The following RSBN1 variants were observed in gnomAD, a reference collection of about 807,000 sequenced individuals.
RSBN1 encodes round spermatid basic protein 1.
RSBN1 carries 23 observed loss-of-function variants against 74.8 expected under a neutral mutation model. The ratio of observed to expected loss-of-function variants is 0.31; its 90% CI spans 0.22 to 0.44. The LOEUF (loss-of-function observed/expected upper bound fraction) is 0.44, where lower values mean the gene tolerates loss of function less well. Ranked by LOEUF, RSBN1 falls within the 20% of genes least tolerant of loss-of-function variation. The pLI, the probability that RSBN1 is intolerant of heterozygous loss-of-function variation, is 1.00. For missense variants in RSBN1, 808 were observed against 1,020.9 expected (o/e 0.79, Z 2.84); for synonymous variants, 407 against 379.6 (o/e 1.07, Z -0.84).
chr1:113,780,121 A>C (rs1360439404), intron 2 of RSBN1, among the ~76,000 whole-genome samples: 1 of 152,208 alleles, frequency 6.6e-6, no homozygotes, highest in East Asian at 1.9e-4. Context: ...CTATACAGGC[A>C]TTTTATGGGA....
At position 113,811,972 on chromosome 1, in the gene RSBN1, C is replaced by A. The variant is rs761320863; in HGVS notation, c.441G>T (p.Pro147=). Reference sequence around the variant, plus strand: ...GCCCGGCGGGTGCCAGCGAAGGTGGCGGCGGAGGCGGCAGGAGAAGAGGCT... The same window carrying A: ...GCCCGGCGGGTGCCAGCGAAGGTGGAGGCGGAGGCGGCAGGAGAAGAGGCT... The part of the protein sequence containing the change: ...PVEPLLLPPP[P]PPSLAPAGPA... Residue 147 remains proline (P), a synonymous_variant, in exon 1 of 7, where the codon CCG becomes CCT. Coordinates refer to ENST00000261441, the MANE Select transcript of RSBN1 (RefSeq NM_018364.5). The A allele has an allele frequency of 6.4e-7, 1 of 1,568,902 alleles. No homozygotes were observed. The highest frequency in any genetic ancestry group is 8.6e-7 in the Non-Finnish European group (1 of 1,157,098).
At chr1:113,805,919 G>A (rs911053937) in intron 1 of RSBN1, among the ~76,000 whole-genome samples, 7 of 152,114 alleles carry the variant, frequency 4.6e-5, no homozygotes, top group African/African-American at 1.4e-4. Context: ...CTACTGTAGT[G>A]CAAAAACTAC....
Position 113,807,986 on chromosome 1 carries a change from T to C in RSBN1, c.703+3724A>G, listed in dbSNP as rs189554401. 5.9e-5 allele frequency among the ~76,000 whole-genome samples: 9 copies of C among 151,950 alleles called. No homozygotes were observed. In the East Asian group the frequency reaches 1.7e-3, roughly 29 times the overall value. ...ATGTATCACCACACGTCTATTAAAATTGCTAAAATAAAAATAGTGACAATA... is the reference window on the plus strand; with the variant it reads ...ATGTATCACCACACGTCTATTAAAACTGCTAAAATAAAAATAGTGACAATA... On this transcript the variant is annotated intron_variant, in intron 1 of 6. Transcript: ENST00000261441.
Position 113,805,369 on chromosome 1 carries a change from C to T in RSBN1, c.703+6341G>A, listed in dbSNP as rs538243373. Among the ~76,000 whole-genome samples, 30 of 152,178 alleles carry T rather than the reference C, an allele frequency of 2.0e-4. No individual in the cohort carries two copies. The South Asian group carries it at 5.4e-3, about 27-fold the overall frequency. On this transcript the variant is annotated intron_variant, in intron 1 of 6. Coordinates refer to ENST00000261441, the MANE Select transcript of RSBN1 (RefSeq NM_018364.5). ...CTGGGAATACAGGCATGAGCCACCG[C>T]GCCCGGCCTGTCCTATGTTTTTATG...
intron 1 of RSBN1, among the ~76,000 whole-genome samples, chr1:113,805,370 G>A (rs926086974): frequency 3.9e-5 from 6 of 152,084 alleles, no homozygotes; most frequent in Non-Finnish European, 5.9e-5. Flanking sequence ...GAGCCACCGC[G>A]CCCGGCCTGT....
At chr1:113,767,069 C>G (rs374671026) in intron 6 of RSBN1, 30 bp downstream of exon 6, 2 of 1,273,364 alleles carry the variant, frequency 1.6e-6, no homozygotes, top group Admixed American at 1.9e-5. Flanking sequence ...CTTCTAATAT[C>G]GCAAATGGTG....
intron 2 of RSBN1, among the ~76,000 whole-genome samples, chr1:113,786,623 T>A (rs535149740): frequency 6.6e-6 from 1 of 152,274 alleles, no homozygotes; most frequent in African/African-American, 2.4e-5. Context: ...AAACTTGATT[T>A]TTTTCCCTCA....
intron 2 of RSBN1, among the ~76,000 whole-genome samples, chr1:113,788,414 A>C (rs1174724315): frequency 1.3e-5 from 2 of 152,104 alleles, no homozygotes; most frequent in South Asian, 4.1e-4. Context: ...AGTGATTGTT[A>C]TTATTCTTTA....
chr1:113,811,647 G>C (rs963589645), intron 1 of RSBN1, 63 bp downstream of exon 1: 4 of 1,516,166 alleles, frequency 2.6e-6, no homozygotes, highest in Non-Finnish European at 3.5e-6. Flanking sequence ...CAGTCCTAAA[G>C]ATGCGGGATA....
chr1:113,787,832 A>G (rs2101808425), intron 2 of RSBN1, among the ~76,000 whole-genome samples: 1 of 152,300 alleles, frequency 6.6e-6, no homozygotes, highest in South Asian at 2.1e-4. Context: ...ATATGACCAC[A>G]TTCCCTATCC....
intron 2 of RSBN1, among the ~76,000 whole-genome samples, chr1:113,791,267 T>C (rs985669431): frequency 3.9e-5 from 6 of 152,186 alleles, no homozygotes; most frequent in Non-Finnish European, 8.8e-5. Flanking sequence ...AAATTTATTC[T>C]CTTTATAATA....
chr1:113,783,078 C>T (rs1487439394), intron 2 of RSBN1, among the ~76,000 whole-genome samples: 5 of 152,084 alleles, frequency 3.3e-5, no homozygotes, highest in African/African-American at 1.2e-4. Flanking sequence ...AAAAAGTTTG[C>T]CAACCCCCAA....
chr1:113,811,786 G>A lies in RSBN1; in HGVS notation c.627C>T (p.Thr209=). ...CCTGCTTGTCCTTGTGCTTGAGATC[G>A]GTTCCGCAGGAGCTGGGATCACCAT... ...GPDGDPSSCG[T]DLKHKDKQEN... is the part of the protein sequence containing the mutation. Residue 209 remains threonine (T), a synonymous_variant, in exon 1 of 7, where the codon ACC becomes ACT. Transcript: ENST00000261441. 1.9e-6 allele frequency: 3 copies of A among 1,613,678 alleles called. No individual in the cohort carries two copies. The highest frequency in any genetic ancestry group is 2.5e-6 in the Non-Finnish European group (3 of 1,179,902).
At chr1:113,782,273 A>T (rs903166476) in intron 2 of RSBN1, among the ~76,000 whole-genome samples, 5 of 152,210 alleles carry the variant, frequency 3.3e-5, no homozygotes, top group African/African-American at 1.2e-4. Context: ...AGTACATAAC[A>T]TTTACAGATT....
At chr1:113,805,913 T>C (rs1348122052) in intron 1 of RSBN1, among the ~76,000 whole-genome samples, 2 of 152,254 alleles carry the variant, frequency 1.3e-5, no homozygotes, top group African/African-American at 4.8e-5. Context: ...ATTCTGCTAC[T>C]GTAGTGCAAA....
intron 4 of RSBN1, among the ~76,000 whole-genome samples, chr1:113,775,239 G>A (rs976814040): frequency 6.6e-6 from 1 of 151,934 alleles, no homozygotes; most frequent in Non-Finnish European, 1.5e-5. Flanking sequence ...TGACCAGGAT[G>A]GTCTCGAACT....
At chr1:113,799,815 G>A (rs1660545947) in intron 1 of RSBN1, among the ~76,000 whole-genome samples, 2 of 152,164 alleles carry the variant, frequency 1.3e-5, no homozygotes, top group South Asian at 4.1e-4. Flanking sequence ...GGCATCTTTT[G>A]TTTACTAATT....
intron 6 of RSBN1, 129 bp downstream of exon 6, chr1:113,766,970 C>T: frequency 3.6e-6 from 2 of 553,528 alleles, no homozygotes; most frequent in Non-Finnish European, 6.3e-6. Context: ...CACCCCCACC[C>T]CAGTCTTTAA....
At position 113,812,163 on chromosome 1, in the gene RSBN1, C is replaced by T; in HGVS notation, c.250G>A (p.Gly84Arg). The stretch of plus-strand genomic sequence containing the variant: ...CTAGATCGGCGCTGCCGTTTAACTC[C>T]CCGCGGGGAGACCCCAGCATGAGGT... ...EKPHAGVSPR[G>R]VKRQRRSSSG... The change falls in exon 1 of 7, where the codon GGA (glycine) becomes AGA (arginine). Residue 84 changes from glycine to arginine, a missense_variant. Coordinates refer to ENST00000261441, the MANE Select transcript of RSBN1 (RefSeq NM_018364.5). 1 of 1,609,630 alleles carries T rather than the reference C, an allele frequency of 6.2e-7. No individual in the cohort carries two copies. The highest frequency in any genetic ancestry group is 8.5e-7 in the Non-Finnish European group (1 of 1,179,870).
Sources: gnomAD v4.1 joint callset for allele counts (sites outside exome capture counted in the v4.1 genomes callset) on GRCh38, gnomAD v4.1.1 for gene constraint, MANE v1.5 for transcripts, NCBI Gene and HGNC (gene_info 2026-07-23, HGNC 2026-07-21) for gene names.